C16orf96: variants seen among roughly 807,000 people sequenced by gnomAD.
The protein encoded by C16orf96 is uncharacterized protein C16orf96.
Under a neutral mutation model 103.6 loss-of-function variants are expected in C16orf96, and 108 were observed. That is an observed-to-expected ratio of 1.04 (90% CI 0.89 to 1.22). C16orf96 has a LOEUF of 1.22. C16orf96 is among the 50% of genes most tolerant of loss of function. C16orf96 has a pLI of 0.00. For missense variants in C16orf96, 1,586 were observed against 1,464.2 expected, an observed-to-expected ratio of 1.08 and a Z score of -1.36; for synonymous variants, 566 against 593.5, an observed-to-expected ratio of 0.95 and a Z score of 0.67.
In C16orf96 at chr16:4,556,629, C is replaced by T. The variant is rs1208942409; in HGVS notation, c.140C>T (p.Ser47Leu). The change falls in exon 1 of 16, where the codon TCA becomes TTA. Residue 47 changes from serine (S) to leucine (L), a missense_variant. Ser to Leu is a moderately radical substitution (Grantham distance 145). Coordinates refer to ENST00000444310, the MANE Select transcript of C16orf96 (RefSeq NM_001145011.2). Reference sequence around the variant, plus strand: ...ATGGCCGAGCTCAAGAAAGTCCTCTCAGGCGATGAGGACTTCCTGCAGACC... The same window carrying T: ...ATGGCCGAGCTCAAGAAAGTCCTCTTAGGCGATGAGGACTTCCTGCAGACC... ...IHMAELKKVL[S>L]GDEDFLQTSQ... 2.6e-6 allele frequency: 4 copies of T among 1,551,768 alleles called. No individual in the cohort carries two copies. The highest frequency in any genetic ancestry group is 4.9e-5 in the East Asian group (2 of 40,924).
intron 1 of C16orf96, among the ~76,000 whole-genome samples, chr16:4,569,553 G>A (rs181368164): frequency 8.1e-4 from 123 of 151,906 alleles, no homozygotes; most frequent in Admixed American, 3.2e-3. Context: ...AGGAGTTTGA[G>A]ATCAGCCTGG....
chr16:4,593,403 C>A lies in C16orf96; in HGVS notation c.2867+87C>A. 7.9e-7 allele frequency: 1 copy of A among 1,259,658 alleles called. No homozygotes were observed. Among genetic ancestry groups the A allele is most frequent in the Non-Finnish European group, 1.1e-6 (1 of 896,400 alleles). The allele number at this position is 1,259,658 out of a possible 1,614,324, so 78.0% of individuals were successfully genotyped here. ...GAACCCTGTTCCTGCAGAGACACAT[C>A]CTCCAGGCCCAGGGACCTAAGATTG... On this transcript the variant is annotated intron_variant, in intron 12 of 15. Transcript: ENST00000444310. The surrounding 1 kb of genome is among the most constrained non-coding windows in gnomAD (Gnocchi z 4.2).
Position 4,599,301 on chromosome 16 carries a change from C to G in C16orf96, c.3145C>G (p.Pro1049Ala). 1.3e-6 allele frequency: 2 copies of G among 1,551,580 alleles called. No homozygotes were observed. Reference sequence around the variant, plus strand: ...CTGCTAAGCTGTGAAGGCTCCATCTCCCCCGTCACAAAGCCTGTATGACCG... The same window carrying G: ...CTGCTAAGCTGTGAAGGCTCCATCTGCCCCGTCACAAAGCCTGTATGACCG... Reference protein sequence around the residue: ...KELAAVKAPSPPSQSLYDRVH... With the variant: ...KELAAVKAPSAPSQSLYDRVH... The change falls in exon 15 of 16, where the codon CCC (proline) becomes GCC (alanine). Residue 1049 changes from proline (P) to alanine (A), a missense_variant. Transcript: ENST00000444310.
At chr16:4,551,490 C>T (rs937898481), upstream of C16orf96, among the ~76,000 whole-genome samples, 1 of 152,114 alleles carries the variant, frequency 6.6e-6, no homozygotes. Flanking sequence ...CTTGCTCTGT[C>T]GCCCAGGCTG....
At chr16:4,580,199 C>A in intron 7 of C16orf96, 74 bp downstream of exon 7, 1 of 1,212,768 alleles carries the variant, frequency 8.2e-7, no homozygotes, top group Non-Finnish European at 1.1e-6. Flanking sequence ...TGGCCCTTCC[C>A]GAAGGTTCTG....
chr16:4,541,535 C>G, the C16orf96 span, among the ~76,000 whole-genome samples: 9 of 152,228 alleles, frequency 5.9e-5, no homozygotes, highest in Admixed American at 5.9e-4. Context: ...GATTGTGCCA[C>G]TGCACTCCAG....
intron 7 of C16orf96, 53 bp downstream of exon 7, chr16:4,580,178 C>T (rs1035913831): frequency 4.4e-6 from 6 of 1,357,452 alleles, no homozygotes; most frequent in Non-Finnish European, 4.9e-6. Context: ...GAATTCCTCA[C>T]CTAGACCTTC....
chr16:4,594,034 G>A (rs1897116641), intron 12 of C16orf96, among the ~76,000 whole-genome samples: 1 of 152,156 alleles, frequency 6.6e-6, no homozygotes, highest in Non-Finnish European at 1.5e-5. Flanking sequence ...GGAGGGACGT[G>A]GGGGCCTGTG....
At chr16:4,541,208 G>A in the C16orf96 span, among the ~76,000 whole-genome samples, 18 of 152,260 alleles carry the variant, frequency 1.2e-4, no homozygotes, top group Non-Finnish European at 2.6e-4. Flanking sequence ...CACCGCGCCC[G>A]GCCTGGATTT....
chr16:4,581,418 G>A (rs1382128827), intron 7 of C16orf96, among the ~76,000 whole-genome samples: 3 of 151,506 alleles, frequency 2.0e-5, no homozygotes, highest in Non-Finnish European at 4.4e-5. Flanking sequence ...TGGATCACGA[G>A]TTCAGGAGAT....
At position 4,600,152 on chromosome 16, in the gene C16orf96, G is replaced by A. The variant is rs987843805; in HGVS notation, c.3261G>A (p.Thr1087=). 32 of 1,551,416 alleles carry A rather than the reference G, an allele frequency of 2.1e-5. No homozygotes were observed. The African/African-American group carries it at 2.3e-4, about 11-fold the overall frequency. Residue 1087 remains threonine, a synonymous_variant, in exon 16 of 16, where the codon ACG becomes ACA. Transcript: ENST00000444310. ...ACSAASGPHL[T]MPARPPSLPP... ...CAGCTGCCTCGGGCCCTCACCTGAC[G>A]ATGCCAGCTCGACCACCTTCCCTGC... is the stretch of plus-strand genomic sequence containing the variant.
chr16:4,549,452 G>A, the C16orf96 span, among the ~76,000 whole-genome samples: 1 of 141,514 alleles, frequency 7.1e-6, no homozygotes, highest in East Asian at 2.1e-4. Flanking sequence ...CAGCCTGGGC[G>A]ACAGAGCAAG....
upstream of C16orf96, among the ~76,000 whole-genome samples, chr16:4,552,481 CAAAAAAAAAA>C (rs58618088): frequency 1.5e-5 from 1 of 67,882 alleles, no homozygotes; most frequent in Non-Finnish European, 3.5e-5. Context: ...GACTCTGTCT[CAAAAAAAAAA>C]AAAAAAAAAA....
Position 4,600,348 on chromosome 16 carries a change from G to T in C16orf96, c.*31G>T, listed in dbSNP as rs1324671765. The T allele has an allele frequency of 5.5e-6, 8 of 1,456,092 alleles. No homozygotes were observed. Among genetic ancestry groups the T allele is most frequent in the Admixed American group, 4.2e-5 (2 of 47,954 alleles). 90.2% of individuals were successfully genotyped at this position (1,456,092 alleles called of 1,614,324 possible). On this transcript the variant is annotated 3_prime_UTR_variant, in exon 16 of 16. Coordinates refer to ENST00000444310, the MANE Select transcript of C16orf96 (RefSeq NM_001145011.2). ...ACCCCGCTGCGCCCCCCATCGCCAAGTCCCCTCCACGTCCGAGGCTGAGGC... is the reference window on the plus strand; with the variant it reads ...ACCCCGCTGCGCCCCCCATCGCCAATTCCCCTCCACGTCCGAGGCTGAGGC...
the C16orf96 span, among the ~76,000 whole-genome samples, chr16:4,544,929 A>G: frequency 6.6e-6 from 1 of 152,214 alleles, no homozygotes; most frequent in Non-Finnish European, 1.5e-5. Flanking sequence ...ACGTAGAGCC[A>G]CTATGTGACC....
At chr16:4,554,202 G>A (rs553452227), upstream of C16orf96, among the ~76,000 whole-genome samples, 86 of 152,308 alleles carry the variant, frequency 5.6e-4, no homozygotes, top group Admixed American at 1.5e-3. Flanking sequence ...TATGATGTCA[G>A]AGCAGGGCTG....
chr16:4,575,041 G>T lies in C16orf96; in HGVS notation c.676G>T (p.Asp226Tyr), dbSNP rs182165251. The change falls in exon 4 of 16, where the codon GAT (aspartate) becomes TAT (tyrosine). Residue 226 changes from aspartate to tyrosine, a missense_variant. Coordinates refer to ENST00000444310, the MANE Select transcript of C16orf96 (RefSeq NM_001145011.2). Reference sequence around the variant, plus strand: ...CATGGTGCTCTGGAGTGGCCTTCATGATGCCATGTTCACCTCAGTGAGTGA... The same window carrying T: ...CATGGTGCTCTGGAGTGGCCTTCATTATGCCATGTTCACCTCAGTGAGTGA... Reference protein sequence around the residue: ...EDMVLWSGLHDAMFTSEIGSS... With the variant: ...EDMVLWSGLHYAMFTSEIGSS... The T allele has an allele frequency of 4.9e-5, 76 of 1,551,472 alleles. No homozygotes were observed. The East Asian group carries it at 1.7e-3, about 34-fold the overall frequency.
At chr16:4,561,235 A>T (rs962617814) in intron 1 of C16orf96, 11 of 152,214 alleles carry the variant, frequency 7.2e-5, no homozygotes, top group African/African-American at 2.7e-4. Flanking sequence ...TGAACCCAGG[A>T]GGCAGAATTT....
At position 4,575,874 on chromosome 16, in the gene C16orf96, G is replaced by A. The variant is rs1567446304; in HGVS notation, c.1394G>A (p.Ser465Asn). 1 of 1,551,574 alleles carries A rather than the reference G, an allele frequency of 6.4e-7. No individual in the cohort carries two copies. ...QVKGEENDVP[S>N]LRGLRERARK... ...AAGGGGGAGGAAAATGATGTCCCCAGCCTAAGGGGCCTTCGGGAGAGGGCC... is the reference window on the plus strand; with the variant it reads ...AAGGGGGAGGAAAATGATGTCCCCAACCTAAGGGGCCTTCGGGAGAGGGCC... Residue 465 changes from serine (S) to asparagine (N), a missense_variant, in exon 5 of 16, where the codon AGC (serine) becomes AAC (asparagine). Physicochemically the swap from Ser to Asn is conservative, Grantham distance 46 (BLOSUM62 1). Coordinates refer to ENST00000444310, the MANE Select transcript of C16orf96 (RefSeq NM_001145011.2).
Sources: gnomAD v4.1 joint callset for allele counts (sites outside exome capture counted in the v4.1 genomes callset) on GRCh38, gnomAD v4.1.1 for gene constraint, Gnocchi (gnomAD v3.1) non-coding constraint, MANE v1.5 for transcripts, NCBI Gene and HGNC (gene_info 2026-07-23, HGNC 2026-07-21) for gene names.